Variants in PLCG2 observed in about 807,000 individuals in gnomAD.
PLCG2 encodes the protein 1-phosphatidylinositol 4,5-bisphosphate phosphodiesterase gamma-2.
PLCG2 carries 69 observed loss-of-function variants against 175.6 expected under a neutral mutation model. The observed-to-expected ratio is 0.39, with a 90% CI of 0.32 to 0.48. The LOEUF (loss-of-function observed/expected upper bound fraction) is 0.48. PLCG2 is among the 20% of genes least tolerant of loss of function. PLCG2 has a pLI of 0.91. For missense variants in PLCG2, 1,798 were observed against 1,650.9 expected (o/e 1.09, Z -1.54); for synonymous variants, 827 against 624.0 (o/e 1.33, Z -4.85).
chr16:81,957,260 T>C (rs1911611911), intron 32 of PLCG2, among the ~76,000 whole-genome samples: 1 of 151,948 alleles, frequency 6.6e-6, no homozygotes, highest in Non-Finnish European at 1.5e-5. Context: ...GATCACACCA[T>C]TGCACTCCAG....
intron 2 of PLCG2, among the ~76,000 whole-genome samples, chr16:81,791,823 C>A (rs1192574290): frequency 2.0e-5 from 3 of 152,132 alleles, no homozygotes; most frequent in Non-Finnish European, 4.4e-5. Flanking sequence ...CCCTGGCCTC[C>A]CAAAGTGCTG....
chr16:81,805,382 C>A (rs1179211118), intron 2 of PLCG2, among the ~76,000 whole-genome samples: 2 of 151,394 alleles, frequency 1.3e-5, no homozygotes, highest in Non-Finnish European at 2.9e-5. Context: ...GCCTATAGTC[C>A]CAGCTACTCA....
chr16:81,767,519 C>T (rs1186996512), intron 2 of PLCG2: 1 of 152,166 alleles, frequency 6.6e-6, no homozygotes, highest in Non-Finnish European at 1.5e-5. Context: ...TCCCAACCTG[C>T]ACTGATCACT....
Position 81,962,276 on chromosome 16 carries a change from C to G in PLCG2, c.*4278C>G, listed in dbSNP as rs1911806131. ...AAAGGAAAATAGCTTAACCTTCAACCTGTGTGACATTTAACTTTTTGAACC... is the reference window on the plus strand; with the variant it reads ...AAAGGAAAATAGCTTAACCTTCAACGTGTGTGACATTTAACTTTTTGAACC... On this transcript the variant is annotated 3_prime_UTR_variant, in exon 33 of 33. Coordinates refer to ENST00000564138, the MANE Select transcript of PLCG2 (RefSeq NM_002661.5). 1 of 197,070 alleles carries G rather than the reference C, an allele frequency of 5.1e-6. No individual in the cohort carries two copies. Among genetic ancestry groups the G allele is most frequent in the African/African-American group, 2.3e-5 (1 of 43,386 alleles). The allele number at this position is 197,070 out of a possible 1,614,324, so 12.2% of individuals were successfully genotyped here. A position where few individuals can be genotyped will look rare whatever the true frequency, so the allele number is the denominator to read the frequency against.
chr16:81,960,962 T>C lies in PLCG2; in HGVS notation c.*2964T>C, dbSNP rs1446390187. Reference sequence around the variant, plus strand: ...CACCTTACAAAAGAAAATATGGCTGTCTCCACCTCTAGTCTTACTGTAGAG... The same window carrying C: ...CACCTTACAAAAGAAAATATGGCTGCCTCCACCTCTAGTCTTACTGTAGAG... On this transcript the variant is annotated 3_prime_UTR_variant, in exon 33 of 33. Transcript: ENST00000564138. 3 of 229,446 alleles carry C rather than the reference T, an allele frequency of 1.3e-5. No individual in the cohort carries two copies. In the Admixed American group the frequency reaches 1.7e-4, roughly 13 times the overall value. 14.2% of individuals were successfully genotyped at this position (229,446 alleles called of 1,614,324 possible). A position where few individuals can be genotyped will look rare whatever the true frequency, so the allele number is the denominator to read the frequency against.
chr16:81,790,113 G>C (rs1911165779), intron 2 of PLCG2, among the ~76,000 whole-genome samples: 1 of 152,192 alleles, frequency 6.6e-6, no homozygotes, highest in African/African-American at 2.4e-5. Flanking sequence ...CAGGCTCATG[G>C]TTGGGAAGAA....
intron 31 of PLCG2, 81 bp downstream of exon 31, chr16:81,946,344 C>A: frequency 1.0e-6 from 1 of 971,262 alleles, no homozygotes; most frequent in Non-Finnish European, 1.7e-6. Flanking sequence ...ATACAATTGG[C>A]AGATGGACTT....
chr16:81,816,062 T>TTA (rs1555509016), intron 2 of PLCG2, among the ~76,000 whole-genome samples: 1 of 140,012 alleles, frequency 7.1e-6, no homozygotes, highest in Non-Finnish European at 1.5e-5. Flanking sequence ...ACTTCATCTT[T>TTA]AAAAAAAAAA....
intron 2 of PLCG2, among the ~76,000 whole-genome samples, chr16:81,772,639 G>A (rs1216949624): frequency 3.9e-5 from 5 of 129,152 alleles, no homozygotes; most frequent in African/African-American, 1.4e-4. Flanking sequence ...GTGAAACCCT[G>A]TTTCTACTAA....
chr16:81,811,287 G>A (rs370188982), intron 2 of PLCG2, among the ~76,000 whole-genome samples: 21 of 152,204 alleles, frequency 1.4e-4, no homozygotes, highest in Admixed American at 3.9e-4. Context: ...ACTAGAGATC[G>A]GGTATGTAAA....
chr16:81,952,697 GAGAT>G (rs755205736), intron 31 of PLCG2, among the ~76,000 whole-genome samples: 60 of 152,156 alleles, frequency 3.9e-4, no homozygotes, highest in Non-Finnish European at 7.2e-4. Context: ...TGACAGAGAA[GAGAT>G]AGCTCTTCCT....
chr16:81,779,488 G>C (rs1326290486), intron 1 of PLCG2, 64 bp downstream of exon 1: 2 of 151,638 alleles, frequency 1.3e-5, no homozygotes, highest in Non-Finnish European at 1.5e-5. Context: ...CGCGGGGACC[G>C]GCTCCCAGGG....
At chr16:81,746,192 T>C (rs1181074687) in intron 1 of PLCG2, among the ~76,000 whole-genome samples, 1 of 152,180 alleles carries the variant, frequency 6.6e-6, no homozygotes, top group Non-Finnish European at 1.5e-5. Context: ...GCCGGCCTGC[T>C]GGATAAAGGG....
intron 3 of PLCG2, among the ~76,000 whole-genome samples, chr16:81,856,506 G>C (rs1278647042): frequency 6.6e-6 from 1 of 152,188 alleles, no homozygotes; most frequent in African/African-American, 2.4e-5. Flanking sequence ...CTGGGTATTA[G>C]CAAGCTCTAC....
chr16:81,897,903 G>C (rs1567522229), intron 13 of PLCG2: 3 of 453,564 alleles, frequency 6.6e-6, no homozygotes, highest in East Asian at 1.4e-4. Context: ...TGGAGGTGTT[G>C]CTGTGAGACA....
At chr16:81,930,320 CTG>C (rs931981780) in intron 24 of PLCG2, among the ~76,000 whole-genome samples, 20 of 152,318 alleles carry the variant, frequency 1.3e-4, no homozygotes, top group African/African-American at 4.8e-4. Flanking sequence ...GATCCTTTCT[CTG>C]TGTCTGGAGA....
At chr16:81,826,564 C>G (rs1298464174) in intron 2 of PLCG2, among the ~76,000 whole-genome samples, 1 of 152,178 alleles carries the variant, frequency 6.6e-6, no homozygotes, top group East Asian at 1.9e-4. Flanking sequence ...AACACATGTT[C>G]AGTCAGTGAT....
At chr16:81,838,832 A>G (rs1358951802) in intron 2 of PLCG2, among the ~76,000 whole-genome samples, 2 of 150,592 alleles carry the variant, frequency 1.3e-5, no homozygotes, top group Non-Finnish European at 3.0e-5. Context: ...ATGTGGTAAA[A>G]TGCACACATG....
intron 30 of PLCG2, among the ~76,000 whole-genome samples, chr16:81,941,761 A>G (rs1225037335): frequency 6.7e-6 from 1 of 149,134 alleles, no homozygotes; most frequent in Non-Finnish European, 1.5e-5. Context: ...GCAGTGGGTG[A>G]TCTCGGCTCA....
Sources: gnomAD v4.1 joint callset for allele counts (sites outside exome capture counted in the v4.1 genomes callset) on GRCh38, gnomAD v4.1.1 for gene constraint, MANE v1.5 for transcripts, NCBI Gene and HGNC (gene_info 2026-07-23, HGNC 2026-07-21) for gene names.